DNAL1: variants seen among roughly 807,000 people sequenced by gnomAD.
The protein encoded by DNAL1 is chromosome 14 open reading frame 168.
Under a neutral mutation model 29.4 loss-of-function variants are expected in DNAL1, and 17 were observed. The ratio of observed to expected loss-of-function variants is 0.58; its 90% confidence interval spans 0.40 to 0.87. The LOEUF (loss-of-function observed/expected upper bound fraction) is 0.87, where lower values mean the gene tolerates loss of function less well. Ranked by LOEUF, DNAL1 falls within the 40% of genes least tolerant of loss-of-function variation. The probability of loss-of-function intolerance (pLI) is 0.00; values close to 1 mark genes in which losing one functional copy is unlikely to be tolerated. For synonymous variants in DNAL1, 78 were observed against 76.3 expected (o/e 1.02, Z -0.12); for missense variants, 188 against 214.1 (o/e 0.88, Z 0.76).
intron 4 of DNAL1, among the ~76,000 whole-genome samples, chr14:73,670,705 ATTTTATTTTATT>A (rs1482215351): frequency 1.3e-5 from 2 of 151,322 alleles, no homozygotes; most frequent in Non-Finnish European, 2.9e-5. Context: ...AAAGATAGGC[ATTTTATTTTATT>A]TTTTATTTTT....
At chr14:73,690,965 C>T (rs557298641) in intron 7 of DNAL1, among the ~76,000 whole-genome samples, 2 of 152,196 alleles carry the variant, frequency 1.3e-5, no homozygotes, top group South Asian at 4.1e-4. Flanking sequence ...GTCTTAGTTT[C>T]CCAATATCTT....
chr14:73,670,033 A>G (rs1891580890), intron 4 of DNAL1, among the ~76,000 whole-genome samples: 1 of 152,032 alleles, frequency 6.6e-6, no homozygotes, highest in Non-Finnish European at 1.5e-5. Context: ...TGTACTTACC[A>G]TGGGTTACAC....
At chr14:73,669,316 C>T (rs1350329787) in intron 4 of DNAL1, among the ~76,000 whole-genome samples, 1 of 151,676 alleles carries the variant, frequency 6.6e-6, no homozygotes, top group African/African-American at 2.4e-5. Context: ...CTTGCTCTGT[C>T]ACCAGGCTAG....
At chr14:73,688,218 T>C (rs911351355) in intron 6 of DNAL1, among the ~76,000 whole-genome samples, 1 of 152,190 alleles carries the variant, frequency 6.6e-6, no homozygotes, top group Non-Finnish European at 1.5e-5. Flanking sequence ...ACTATACCAG[T>C]CTCTTTGGAT....
intron 5 of DNAL1, among the ~76,000 whole-genome samples, chr14:73,672,008 C>A (rs1044534120): frequency 6.6e-6 from 1 of 152,112 alleles, no homozygotes; most frequent in African/African-American, 2.4e-5. Context: ...CATAAACATA[C>A]TGAAATTTTG....
intron 5 of DNAL1, among the ~76,000 whole-genome samples, chr14:73,686,553 A>G (rs1892022797): frequency 2.0e-5 from 3 of 152,054 alleles, no homozygotes. Context: ...CAAAAAGACA[A>G]AAATTAGCCA....
chr14:73,666,208 G>T (rs1891474226), intron 4 of DNAL1, among the ~76,000 whole-genome samples: 5 of 152,110 alleles, frequency 3.3e-5, no homozygotes, highest in Admixed American at 3.3e-4. Flanking sequence ...ATCATAAGAA[G>T]ATCTGAAATA....
At chr14:73,668,183 C>A (rs1891533126) in intron 4 of DNAL1, among the ~76,000 whole-genome samples, 1 of 152,128 alleles carries the variant, frequency 6.6e-6, no homozygotes, top group African/African-American at 2.4e-5. Flanking sequence ...TTCCTTTTAC[C>A]TGCTTATTTC....
chr14:73,687,116 C>G, intron 5 of DNAL1, 143 bp from the exon 6 acceptor site: 1 of 923,800 alleles, frequency 1.1e-6, no homozygotes, highest in East Asian at 2.8e-5. Flanking sequence ...AAAAAAAAAC[C>G]TCCCACACAA....
intron 4 of DNAL1, among the ~76,000 whole-genome samples, chr14:73,667,049 C>G (rs1301949895): frequency 2.6e-5 from 4 of 151,876 alleles, no homozygotes; most frequent in African/African-American, 7.3e-5. Context: ...ATTTAGATCT[C>G]TAGCCCAACT....
intron 6 of DNAL1, among the ~76,000 whole-genome samples, chr14:73,687,598 C>T (rs184311697): frequency 8.5e-5 from 13 of 152,140 alleles, no homozygotes; most frequent in African/African-American, 2.7e-4. Flanking sequence ...ATGGACCGGG[C>T]GCGGTGGCTC....
chr14:73,673,428 T>C (rs550028957), intron 5 of DNAL1, among the ~76,000 whole-genome samples: 6 of 152,154 alleles, frequency 3.9e-5, no homozygotes, highest in Non-Finnish European at 7.3e-5. Context: ...ATTATAAATA[T>C]AGGATTAAAG....
chr14:73,671,525 T>A lies in DNAL1; in HGVS notation c.209-17T>A. The A allele has an allele frequency of 6.9e-7, 1 of 1,447,980 alleles. No homozygotes were observed. The highest frequency in any genetic ancestry group is 9.1e-7 in the Non-Finnish European group (1 of 1,094,442). 89.7% of individuals were successfully genotyped at this position (1,447,980 alleles called of 1,614,324 possible). ...TATGATTCTAGTAAACAAAAAAATG[T>A]TTTCTTTTCACTACAGAAAACTTGA... On this transcript the variant is annotated splice_polypyrimidine_tract_variant and intron_variant, in intron 4 of 7. Coordinates refer to ENST00000553645, the MANE Select transcript of DNAL1 (RefSeq NM_031427.4).
chr14:73,664,965 AT>A (rs1891442957), intron 4 of DNAL1, among the ~76,000 whole-genome samples: 1 of 152,196 alleles, frequency 6.6e-6, no homozygotes. Context: ...CTTTGGAAAT[AT>A]TCATAACAGT....
chr14:73,667,359 G>T (rs1021181239), intron 4 of DNAL1, among the ~76,000 whole-genome samples: 1 of 151,994 alleles, frequency 6.6e-6, no homozygotes, highest in Non-Finnish European at 1.5e-5. Flanking sequence ...CAGCTACTTG[G>T]GAGGCTGAGG....
At chr14:73,683,684 T>TTTTA (rs549968795) in intron 5 of DNAL1, among the ~76,000 whole-genome samples, 18 of 150,324 alleles carry the variant, frequency 1.2e-4, no homozygotes, top group South Asian at 2.1e-4. Context: ...GATCAGCTTT[T>TTTTA]TTTATTTATT....
chr14:73,663,202 AT>A (rs58367000), intron 4 of DNAL1, among the ~76,000 whole-genome samples: 5,505 of 125,094 alleles, frequency 0.044, 48 homozygotes, highest in Middle Eastern at 0.062. Flanking sequence ...GGTCCCAGTA[AT>A]TTTTTTTTTT....
At chr14:73,680,116 T>C (rs771189941) in intron 5 of DNAL1, among the ~76,000 whole-genome samples, 11 of 152,340 alleles carry the variant, frequency 7.2e-5, no homozygotes, top group Middle Eastern at 3.4e-3. Context: ...TTTCAAAATA[T>C]TTGTGGGCAT....
chr14:73,677,864 T>TTTTATA (rs1432502864), intron 5 of DNAL1, among the ~76,000 whole-genome samples: 2 of 130,822 alleles, frequency 1.5e-5, no homozygotes, highest in African/African-American at 3.0e-5. Flanking sequence ...GCCCATATAT[T>TTTTATA]TATATATATA....
Sources: gnomAD v4.1 joint callset for allele counts (sites outside exome capture counted in the v4.1 genomes callset) on GRCh38, gnomAD v4.1.1 for gene constraint, MANE v1.5 for transcripts, NCBI Gene and HGNC (gene_info 2026-07-23, HGNC 2026-07-21) for gene names.